The following ZZEF1 variants were observed in gnomAD, a reference collection of about 807,000 sequenced individuals.
ZZEF1 encodes the protein zinc finger ZZ-type and EF-hand domain-containing protein 1.
ZZEF1 carries 157 observed loss-of-function variants against 342.8 expected under a neutral mutation model. That is an observed-to-expected ratio of 0.46 (90% CI 0.40 to 0.52). The LOEUF (loss-of-function observed/expected upper bound fraction) is 0.52. Among genes scored for constraint, ZZEF1 ranks in the 20% least tolerant of loss-of-function variants. ZZEF1 has a pLI of 0.00. For synonymous variants in ZZEF1, 1,505 were observed against 1,429.1 expected, an observed-to-expected ratio of 1.05 and a Z score of -1.20; for missense variants, 3,480 against 3,725.6, an observed-to-expected ratio of 0.93 and a Z score of 1.72.
In ZZEF1 at chr17:4,142,730, G is replaced by C. The variant is rs1358971130; in HGVS notation, c.166C>G (p.Leu56Val). ...AGCAACGCTGCAGCAGCCTCTCGCAGCCTGGCCGGCTCCAGCAGCGCCGCG... is the reference window on the plus strand; with the variant it reads ...AGCAACGCTGCAGCAGCCTCTCGCACCCTGGCCGGCTCCAGCAGCGCCGCG... ...PAAALLEPAR[L>V]REAAAALLPT... Residue 56 changes from leucine (L) to valine (V), a missense_variant, in exon 1 of 55, where the codon CTG (leucine) becomes GTG (valine). By Grantham distance (32) the Leu-to-Val change is conservative (BLOSUM62 1). Transcript: ENST00000381638. 4 of 1,544,038 alleles carry C rather than the reference G, an allele frequency of 2.6e-6. No individual in the cohort carries two copies. The African/African-American group carries it at 5.7e-5, about 22-fold the overall frequency.
Position 4,129,296 on chromosome 17 carries a change from C to T in ZZEF1, c.355-5245G>A, listed in dbSNP as rs150278405. Among the ~76,000 whole-genome samples the T allele has an allele frequency of 2.2e-3, 328 of 152,196 alleles. 2 individuals are homozygous for T. Among genetic ancestry groups the T allele is most frequent in the African/African-American group, 7.3e-3 (303 of 41,512 alleles). On this transcript the variant is annotated intron_variant, in intron 1 of 54. Coordinates refer to ENST00000381638, the MANE Select transcript of ZZEF1 (RefSeq NM_015113.4). ...CTCTTGAAGGGAGTATAAATTAGTT[C>T]GATCACTGTGGAAAGCAATGTGGCG...
chr17:4,056,367 A>G, intron 32 of ZZEF1, 22 bp from the exon 33 acceptor site: 1 of 1,563,002 alleles, frequency 6.4e-7, no homozygotes, highest in Non-Finnish European at 8.7e-7. Flanking sequence ...ACATAAAGAG[A>G]GAAAAGCATG....
rs552387760 is a variant in ZZEF1 at position 4,103,451 on chromosome 17, G to C, written c.1574-1036C>G. On this transcript the variant is annotated intron_variant, in intron 8 of 54. Transcript: ENST00000381638. The stretch of plus-strand genomic sequence containing the variant: ...AGTCCCAGCTACTCAGGAGGCTGAG[G>C]CAAGAGGATCACCTGAACCTGGGAG... 2.6e-5 allele frequency among the ~76,000 whole-genome samples: 4 copies of C among 152,234 alleles called. No homozygotes were observed. In the South Asian group the frequency reaches 8.3e-4, roughly 32 times the overall value.
At chr17:4,087,340 T>TAA in intron 14 of ZZEF1, 94 bp downstream of exon 14, 6 of 868,046 alleles carry the variant, frequency 6.9e-6, no homozygotes, top group Admixed American at 2.9e-5. Flanking sequence ...TGGTAGGAAG[T>TAA]AAAAAAAAAA....
At chr17:4,018,001 C>T (rs762968886) in intron 46 of ZZEF1, 30 bp from the exon 47 acceptor site, 14 of 1,610,740 alleles carry the variant, frequency 8.7e-6, no homozygotes, top group Non-Finnish European at 1.2e-5. Context: ...AGTTGAGTAC[C>T]AACAGTGTAG....
intron 54 of ZZEF1, among the ~76,000 whole-genome samples, chr17:4,007,245 T>G (rs2055823593): frequency 6.6e-6 from 1 of 152,198 alleles, no homozygotes; most frequent in African/African-American, 2.4e-5. Flanking sequence ...GGGAAAACTC[T>G]CTGGGGAAAA....
Position 4,142,529 on chromosome 17 carries a change from T to C in ZZEF1, c.354+13A>G. The C allele has an allele frequency of 6.3e-7, 1 of 1,588,370 alleles. No individual in the cohort carries two copies. Among genetic ancestry groups the C allele is most frequent in the East Asian group, 2.3e-5 (1 of 43,512 alleles). ...GCCCTGCCCCATCCCCGCAGTCGCC[T>C]GCCGGCCCTGACCTCCTCGAACTGC... On this transcript the variant is annotated intron_variant, in intron 1 of 54. Transcript: ENST00000381638.
intron 6 of ZZEF1, among the ~76,000 whole-genome samples, chr17:4,109,445 C>A (rs9890881): frequency 0.15 from 22,568 of 152,012 alleles, 1,801 homozygotes; most frequent in African/African-American, 0.2. Flanking sequence ...GGAATGGGCA[C>A]TTTTTCAGTC....
chr17:4,089,449 C>T (rs559059267), intron 12 of ZZEF1, among the ~76,000 whole-genome samples: 5 of 152,346 alleles, frequency 3.3e-5, no homozygotes, highest in Admixed American at 6.5e-5. Flanking sequence ...CCTACTATTA[C>T]GTGCCCTTAA....
At chr17:4,123,268 C>T (rs1324206582) in intron 2 of ZZEF1, among the ~76,000 whole-genome samples, 9 of 85,330 alleles carry the variant, frequency 1.1e-4, no homozygotes, top group South Asian at 4.1e-4. Flanking sequence ...TTATCATAAC[C>T]ATATATATAT....
chr17:4,009,300 G>A (rs2055883278), intron 53 of ZZEF1: 3 of 565,692 alleles, frequency 5.3e-6, no homozygotes, highest in South Asian at 4.1e-5. Flanking sequence ...GAAAAAAAGA[G>A]AAGGAAGCAG....
intron 28 of ZZEF1, among the ~76,000 whole-genome samples, chr17:4,066,044 G>A (rs1469527770): frequency 3.3e-5 from 5 of 152,134 alleles, no homozygotes; most frequent in Non-Finnish European, 7.4e-5. Context: ...GCACCTGCTT[G>A]ATGTCCCAGC....
chr17:4,029,324 A>G (rs879385638), intron 42 of ZZEF1, among the ~76,000 whole-genome samples: 1 of 152,206 alleles, frequency 6.6e-6, no homozygotes, highest in African/African-American at 2.4e-5. Context: ...TATCTGGAAT[A>G]TCCCCCAAAT....
At chr17:4,103,157 C>T (rs2058154466) in intron 8 of ZZEF1, among the ~76,000 whole-genome samples, 1 of 151,910 alleles carries the variant, frequency 6.6e-6, no homozygotes, top group Non-Finnish European at 1.5e-5. Flanking sequence ...CCCAACCACC[C>T]AAGAAAATAA....
chr17:4,105,057 G>A (rs922098780), intron 7 of ZZEF1, among the ~76,000 whole-genome samples: 17 of 152,102 alleles, frequency 1.1e-4, no homozygotes, highest in African/African-American at 2.4e-4. Context: ...ATACCAATAC[G>A]CTACTGTAAT....
In ZZEF1 at chr17:4,075,338, T is replaced by A; in HGVS notation, c.3326A>T (p.Glu1109Val). 1.2e-6 allele frequency: 2 copies of A among 1,614,238 alleles called. No individual in the cohort carries two copies. The highest frequency in any genetic ancestry group is 1.7e-6 in the Non-Finnish European group (2 of 1,180,046). The stretch of plus-strand genomic sequence containing the variant: ...CCCTGGGCTAACAAAGACGGATACC[T>A]CATGGCAATTATTTTCATAGTTGTG... ...SAHNYENNCHEVSVFVSPGAT... is the reference protein window; with the variant it reads ...SAHNYENNCHVVSVFVSPGAT... Residue 1109 changes from glutamate to valine, a missense_variant, in exon 22 of 55, where the codon GAG (glutamate) becomes GTG (valine). Physicochemically the swap from Glu to Val is moderately radical, Grantham distance 121. This residue lies in a region of ZZEF1 where 1,528 missense variants were observed against 1,624.1 expected (regional missense o/e 0.94). Coordinates refer to ENST00000381638, the MANE Select transcript of ZZEF1 (RefSeq NM_015113.4).
At chr17:4,081,621 G>C (rs546761086) in intron 17 of ZZEF1, 131 bp from the exon 18 acceptor site, 50 of 730,544 alleles carry the variant, frequency 6.8e-5, no homozygotes, top group Admixed American at 4.0e-4. Context: ...GTTTGGGTCA[G>C]GAATACAGGC....
chr17:4,054,457 A>G (rs533406451), intron 33 of ZZEF1, among the ~76,000 whole-genome samples: 9 of 152,330 alleles, frequency 5.9e-5, no homozygotes, highest in Admixed American at 2.0e-4. Context: ...GGTATTCAGA[A>G]GGTCAAAGAA....
At chr17:4,011,417 T>C (rs1016732391) in intron 52 of ZZEF1, among the ~76,000 whole-genome samples, 8 of 149,656 alleles carry the variant, frequency 5.3e-5, no homozygotes, top group African/African-American at 2.0e-4. Context: ...AAAAAAAAGG[T>C]AACGATGACT....
Sources: gnomAD v4.1 joint callset for allele counts (sites outside exome capture counted in the v4.1 genomes callset) on GRCh38, gnomAD v4.1.1 for gene constraint, gnomAD v4.1.1 regional missense constraint, MANE v1.5 for transcripts, NCBI Gene and HGNC (gene_info 2026-07-23, HGNC 2026-07-21) for gene names.